The following TMTC4 variants were observed in gnomAD, a reference collection of about 807,000 sequenced individuals.
TMTC4 encodes transmembrane O-mannosyltransferase targeting cadherins 4.
Under a neutral mutation model 86.0 loss-of-function variants are expected in TMTC4, and 65 were observed. The ratio of observed to expected loss-of-function variants is 0.76; its 90% CI spans 0.62 to 0.93. TMTC4 has a LOEUF of 0.93. TMTC4 is among the 40% of genes least tolerant of loss of function. The probability of loss-of-function intolerance (pLI) is 0.00; values close to 1 mark genes in which losing one functional copy is unlikely to be tolerated. For synonymous variants in TMTC4, 379 were observed against 382.5 expected (o/e 0.99, Z 0.11); for missense variants, 866 against 948.1 (o/e 0.91, Z 1.14).
intron 17 of TMTC4, among the ~76,000 whole-genome samples, chr13:100,610,750 T>C (rs1271301171): frequency 6.6e-6 from 1 of 152,144 alleles, no homozygotes; most frequent in East Asian, 1.9e-4. Flanking sequence ...TTACAGACTG[T>C]GGGATGACAG....
Position 100,625,900 on chromosome 13 carries a change from T to C in TMTC4, c.1587-8A>G, listed in dbSNP as rs1175888372. On this transcript the variant is annotated splice_polypyrimidine_tract_variant and splice_region_variant and intron_variant, in intron 13 of 18. Transcript: ENST00000342624. Reference sequence around the variant, plus strand: ...ACATACTTGGGATTTAATCTGAAAGTTGAGAAAAAACCAAGCTGACCATTA... The same window carrying C: ...ACATACTTGGGATTTAATCTGAAAGCTGAGAAAAAACCAAGCTGACCATTA... 6 of 1,610,248 alleles carry C rather than the reference T, an allele frequency of 3.7e-6. No homozygotes were observed. Among genetic ancestry groups the C allele is most frequent in the Non-Finnish European group, 4.2e-6 (5 of 1,179,136 alleles).
intron 5 of TMTC4, among the ~76,000 whole-genome samples, chr13:100,658,601 A>G (rs1885402315): frequency 6.6e-6 from 1 of 152,076 alleles, no homozygotes; most frequent in Non-Finnish European, 1.5e-5. Context: ...AGTGGTTTGG[A>G]AAAATACTAG....
intron 11 of TMTC4, 27 bp from the exon 12 acceptor site, chr13:100,634,963 G>A (rs1489035454): frequency 1.9e-6 from 3 of 1,612,234 alleles, no homozygotes; most frequent in Non-Finnish European, 2.5e-6. Flanking sequence ...CATGGTAATT[G>A]TCACCAGTGA....
intron 9 of TMTC4, among the ~76,000 whole-genome samples, chr13:100,637,210 A>G (rs1482166528): frequency 1.3e-5 from 2 of 152,066 alleles, no homozygotes. Flanking sequence ...AGATACCACC[A>G]AGAAGGTTAT....
At chr13:100,648,494 G>T (rs1270032976) in intron 6 of TMTC4, among the ~76,000 whole-genome samples, 1 of 152,122 alleles carries the variant, frequency 6.6e-6, no homozygotes, top group Admixed American at 6.5e-5. Flanking sequence ...GGCTCCTGTG[G>T]TATTTCGATT....
At chr13:100,669,898 T>C (rs1030778002) in intron 2 of TMTC4, among the ~76,000 whole-genome samples, 1 of 152,196 alleles carries the variant, frequency 6.6e-6, no homozygotes, top group African/African-American at 2.4e-5. Flanking sequence ...TTGACCTCTC[T>C]GGGCCTGTTT....
intron 12 of TMTC4, among the ~76,000 whole-genome samples, chr13:100,630,908 G>A (rs1238884268): frequency 6.6e-6 from 1 of 152,176 alleles, no homozygotes; most frequent in Non-Finnish European, 1.5e-5. Context: ...TAGAAGGCAG[G>A]CCATCATTAA....
At chr13:100,648,460 T>A (rs540014069) in intron 6 of TMTC4, among the ~76,000 whole-genome samples, 144 of 152,238 alleles carry the variant, frequency 9.5e-4, no homozygotes, top group Non-Finnish European at 1.7e-3. Flanking sequence ...ACGCGGCTAC[T>A]TCAAAGTTTT....
chr13:100,625,522 A>T lies in TMTC4; in HGVS notation c.1836+13T>A. 2.5e-6 allele frequency: 4 copies of T among 1,613,146 alleles called. No homozygotes were observed. Among genetic ancestry groups the T allele is most frequent in the Non-Finnish European group, 3.4e-6 (4 of 1,180,024 alleles). The stretch of plus-strand genomic sequence containing the variant: ...ATCTTTCCTTCCACAGGCACAGGGC[A>T]CCCCGCGCTTACCAGACGCCCGAGG... On this transcript the variant is annotated intron_variant, in intron 15 of 18. Coordinates refer to ENST00000342624, the MANE Select transcript of TMTC4 (RefSeq NM_032813.5).
At chr13:100,613,851 T>G (rs985487734) in intron 16 of TMTC4, among the ~76,000 whole-genome samples, 1 of 120,730 alleles carries the variant, frequency 8.3e-6, no homozygotes, top group Non-Finnish European at 1.8e-5. Flanking sequence ...CCCCCCCTTT[T>G]TTTTTGAGAT....
At chr13:100,655,944 G>A (rs986200854) in intron 6 of TMTC4, among the ~76,000 whole-genome samples, 4 of 152,186 alleles carry the variant, frequency 2.6e-5, no homozygotes, top group Non-Finnish European at 4.4e-5. Context: ...TGGACAGGAT[G>A]GGATGAAGGA....
chr13:100,631,380 T>C (rs1016154797), intron 12 of TMTC4, among the ~76,000 whole-genome samples: 1 of 152,214 alleles, frequency 6.6e-6, no homozygotes, highest in African/African-American at 2.4e-5. Context: ...CTTAAGAAAA[T>C]ACCTCATTGT....
At chr13:100,625,966 G>T (rs1004993335) in intron 13 of TMTC4, 74 bp from the exon 14 acceptor site, 12 of 1,595,044 alleles carry the variant, frequency 7.5e-6, no homozygotes, top group Non-Finnish European at 1.0e-5. Flanking sequence ...TCAGGAATCG[G>T]TAAAGATATT....
intron 5 of TMTC4, among the ~76,000 whole-genome samples, chr13:100,660,330 CAAAAAA>C (rs56177115): frequency 0.51 from 67,183 of 131,048 alleles, 15,808 homozygotes; most frequent in East Asian, 0.59. Flanking sequence ...GACTGTGTAT[CAAAAAA>C]AAAAAAAAAA....
At chr13:100,662,943 C>T (rs753446244) in intron 5 of TMTC4, 21 bp downstream of exon 5, 4 of 1,612,354 alleles carry the variant, frequency 2.5e-6, no homozygotes, top group African/African-American at 1.3e-5. Context: ...CATACAGATG[C>T]CTCGGGCAGA....
chr13:100,618,984 C>T (rs531040332), intron 15 of TMTC4, among the ~76,000 whole-genome samples: 16 of 152,358 alleles, frequency 1.1e-4, no homozygotes, highest in African/African-American at 3.1e-4. Context: ...CATCCCAGCC[C>T]GTTCTCAATG....
At position 100,635,549 on chromosome 13, in the gene TMTC4, G is replaced by A. The variant is rs1046740190; in HGVS notation, c.1203-354C>T. ...GGTACTGAACAGTTCAGTGGATATT[G>A]TTGGTCTCAATTAATTCAAAAACTG... On this transcript the variant is annotated intron_variant, in intron 10 of 18. Coordinates refer to ENST00000342624, the MANE Select transcript of TMTC4 (RefSeq NM_032813.5). The A allele has an allele frequency of 8.3e-4, 136 of 163,146 alleles. 1 individual carries two copies. The highest frequency in any genetic ancestry group is 2.3e-3 in the African/African-American group (98 of 41,952). 10.1% of individuals were successfully genotyped at this position (163,146 alleles called of 1,614,324 possible). A position where few individuals can be genotyped will look rare whatever the true frequency, so the allele number is the denominator to read the frequency against.
At chr13:100,621,729 G>T (rs558310742) in intron 15 of TMTC4, among the ~76,000 whole-genome samples, 2 of 152,280 alleles carry the variant, frequency 1.3e-5, no homozygotes, top group Admixed American at 1.3e-4. Context: ...CCAACCAAAA[G>T]AAGAATTCTT....
chr13:100,665,553 G>A (rs1484447738), intron 3 of TMTC4, among the ~76,000 whole-genome samples: 2 of 152,096 alleles, frequency 1.3e-5, no homozygotes, highest in African/African-American at 2.4e-5. Flanking sequence ...GCTGCCTCTG[G>A]GCCCCCACCT....
Sources: gnomAD v4.1 joint callset for allele counts (sites outside exome capture counted in the v4.1 genomes callset) on GRCh38, gnomAD v4.1.1 for gene constraint, MANE v1.5 for transcripts, NCBI Gene and HGNC (gene_info 2026-07-23, HGNC 2026-07-21) for gene names.